Variants in SHLD1 observed in about 807,000 individuals in gnomAD.
The protein encoded by SHLD1 is RINN1-REV7-interacting novel NHEJ regulator 3.
SHLD1 carries 3 observed loss-of-function variants against 5.5 expected under a neutral mutation model. That is an observed-to-expected ratio of 0.54 (90% CI 0.25 to 1.40). SHLD1 has a LOEUF of 1.40. Among genes scored for constraint, SHLD1 ranks in the 40% most tolerant of loss-of-function variants. SHLD1 has a pLI of 0.15. For synonymous variants in SHLD1, 92 were observed against 94.3 expected (o/e 0.98, Z 0.14); for missense variants, 210 against 244.4 (o/e 0.86, Z 0.94).
intron 1 of SHLD1, among the ~76,000 whole-genome samples, chr20:5,771,295 A>G (rs190120023): frequency 7.7e-4 from 118 of 152,314 alleles, no homozygotes; most frequent in African/African-American, 2.7e-3. Context: ...TGTGTATGGT[A>G]TCTTTTCTCC....
At position 5,863,457 on chromosome 20, in the gene SHLD1, C is replaced by A. The variant is rs766103830; in HGVS notation, c.612C>A (p.Asp204Glu). The A allele has an allele frequency of 1.3e-6, 2 of 1,596,610 alleles. No homozygotes were observed. Among genetic ancestry groups the A allele is most frequent in the African/African-American group, 1.3e-5 (1 of 74,660 alleles). The change falls in exon 3 of 3, where the codon GAC becomes GAA. Residue 204 changes from aspartate (D) to glutamate (E), a missense_variant. Transcript: ENST00000303142. The part of the protein sequence containing the change: ...HFLLQQNVMK[D>E]L ...TCTTGCAGCAGAATGTAATGAAAGACCTGTAACTGGTGCCGGGCAGTGTGC... is the reference window on the plus strand; with the variant it reads ...TCTTGCAGCAGAATGTAATGAAAGAACTGTAACTGGTGCCGGGCAGTGTGC...
rs560182950 is a variant in SHLD1, at chr20:5,784,215, A to C, written c.178+11172A>C. ...TAATCCTCTCATTTTCCACATGGGG[A>C]AGTTGAATCCCAGGATAATGAAGAA... On this transcript the variant is annotated intron_variant, in intron 2 of 2. Transcript: ENST00000303142. Among the ~76,000 whole-genome samples, 655 of 151,666 alleles carry C rather than the reference A, an allele frequency of 4.3e-3. 5 individuals are homozygous for C. Among genetic ancestry groups the C allele is most frequent in the Non-Finnish European group, 6.6e-3 (445 of 67,894 alleles).
intron 2 of SHLD1, among the ~76,000 whole-genome samples, chr20:5,814,309 C>A (rs1657514048): frequency 6.6e-6 from 1 of 152,066 alleles, no homozygotes; most frequent in Non-Finnish European, 1.5e-5. Flanking sequence ...GGGTATCAAT[C>A]CAAGAAGCAT....
chr20:5,820,099 C>T (rs2087589246), intron 2 of SHLD1, among the ~76,000 whole-genome samples: 1 of 152,224 alleles, frequency 6.6e-6, no homozygotes, highest in Admixed American at 6.5e-5. Context: ...AGGCGTGTGC[C>T]ACCATGCCTG....
intron 1 of SHLD1, among the ~76,000 whole-genome samples, chr20:5,769,134 T>A: frequency 6.6e-6 from 1 of 152,198 alleles, no homozygotes; most frequent in East Asian, 1.9e-4. Context: ...CTTCAACTCC[T>A]GGGCTCAAGA....
chr20:5,862,498 T>A (rs1483944349), intron 2 of SHLD1, among the ~76,000 whole-genome samples: 1 of 152,234 alleles, frequency 6.6e-6, no homozygotes, highest in African/African-American at 2.4e-5. Context: ...TGCCCTGTTA[T>A]AAGCCCTAAT....
intron 2 of SHLD1, among the ~76,000 whole-genome samples, chr20:5,853,486 G>A (rs1259622243): frequency 1.3e-5 from 2 of 152,114 alleles, no homozygotes; most frequent in Admixed American, 1.3e-4. Context: ...GTGTGTGTGT[G>A]TGTATTTAGG....
rs73596820 is a variant in SHLD1 at position 5,817,129 on chromosome 20, G to A, written c.178+44086G>A. On this transcript the variant is annotated intron_variant, in intron 2 of 2. Transcript: ENST00000303142. The stretch of plus-strand genomic sequence containing the variant: ...TATTTATAATATTAGCTGCTTTCAC[G>A]TCCTTGTTTGTTAATTCCATCATCT... 7.4e-3 allele frequency among the ~76,000 whole-genome samples: 1,124 copies of A among 152,138 alleles called. 10 individuals carry two copies. The highest frequency in any genetic ancestry group is 0.026 in the African/African-American group (1,081 of 41,526).
chr20:5,830,305 G>A (rs1016796658), intron 2 of SHLD1, among the ~76,000 whole-genome samples: 1 of 151,988 alleles, frequency 6.6e-6, no homozygotes, highest in Non-Finnish European at 1.5e-5. Flanking sequence ...AACTGCCACT[G>A]TATGCATATA....
At chr20:5,845,458 C>T (rs915619590) in intron 2 of SHLD1, among the ~76,000 whole-genome samples, 3 of 152,200 alleles carry the variant, frequency 2.0e-5, no homozygotes, top group African/African-American at 7.2e-5. Flanking sequence ...CATCTCTTCT[C>T]TTAGGACAAA....
intron 2 of SHLD1, among the ~76,000 whole-genome samples, chr20:5,837,885 A>G (rs1477018946): frequency 1.3e-5 from 2 of 152,210 alleles, no homozygotes; most frequent in Non-Finnish European, 2.9e-5. Flanking sequence ...ATTTTCCAAT[A>G]TGTTTATTGA....
intron 2 of SHLD1, among the ~76,000 whole-genome samples, chr20:5,787,020 C>A (rs1327307117): frequency 6.6e-6 from 1 of 152,152 alleles, no homozygotes; most frequent in African/African-American, 2.4e-5. Flanking sequence ...GTTTATTGAA[C>A]CTAAGCATAA....
chr20:5,827,913 C>A (rs957855629), intron 2 of SHLD1, among the ~76,000 whole-genome samples: 6 of 152,188 alleles, frequency 3.9e-5, no homozygotes, highest in African/African-American at 2.4e-5. Flanking sequence ...GTAGAAACTA[C>A]ACCATGGTCA....
chr20:5,760,645 A>G (rs1984406050), intron 1 of SHLD1, among the ~76,000 whole-genome samples: 1 of 151,964 alleles, frequency 6.6e-6, no homozygotes, highest in Non-Finnish European at 1.5e-5. Context: ...GTGAGCCGAG[A>G]TCATGCCACT....
chr20:5,853,822 T>C (rs1365791999), intron 2 of SHLD1, among the ~76,000 whole-genome samples: 1 of 151,476 alleles, frequency 6.6e-6, no homozygotes, highest in Non-Finnish European at 1.5e-5. Flanking sequence ...CTGTTCATAA[T>C]AGCAGAGTCT....
chr20:5,794,877 C>A (rs1387150156), intron 2 of SHLD1, among the ~76,000 whole-genome samples: 1 of 151,956 alleles, frequency 6.6e-6, no homozygotes, highest in Non-Finnish European at 1.5e-5. Flanking sequence ...ACACAGGATT[C>A]CTGTGCTCAT....
rs1381804763 is a variant in SHLD1, at chr20:5,863,852, C to G, written c.*389C>G. On this transcript the variant is annotated 3_prime_UTR_variant, in exon 3 of 3. Coordinates refer to ENST00000303142, the MANE Select transcript of SHLD1 (RefSeq NM_152504.4). ...TGCTGGGCTTAATCCCTTTCCCTAC[C>G]CTCCCATTTATTTACTGGTGTCTCT... The G allele has an allele frequency of 6.1e-6, 1 of 164,412 alleles. No individual in the cohort carries two copies. The highest frequency in any genetic ancestry group is 6.3e-5 in the Admixed American group (1 of 15,858). The allele number at this position is 164,412 out of a possible 1,614,324, so 10.2% of individuals were successfully genotyped here.
At chr20:5,804,354 T>A (rs1254757461) in intron 2 of SHLD1, among the ~76,000 whole-genome samples, 1 of 79,370 alleles carries the variant, frequency 1.3e-5, no homozygotes, top group Non-Finnish European at 2.7e-5. Context: ...AAAAAAACTA[T>A]ATATATATAT....
intron 2 of SHLD1, among the ~76,000 whole-genome samples, chr20:5,832,104 C>T (rs943425978): frequency 1.3e-5 from 2 of 152,210 alleles, no homozygotes; most frequent in Admixed American, 6.5e-5. Flanking sequence ...CTGCGCCCAG[C>T]AAATTTTTGT....
Sources: allele counts gnomAD v4.1 joint callset (sites outside exome capture counted in the v4.1 genomes callset), GRCh38; gene constraint gnomAD v4.1.1; transcripts MANE v1.5; gene names NCBI Gene and HGNC (gene_info 2026-07-23, HGNC 2026-07-21).